RAC1: variants seen among roughly 807,000 people sequenced by gnomAD.
RAC1 encodes Rac family small GTPase 1.
A neutral mutation model predicts 25.2 loss-of-function variants in RAC1; 2 were observed. The observed-to-expected ratio is 0.08, with a 90% CI of 0.03 to 0.25. The LOEUF is 0.25. Ranked by LOEUF, RAC1 falls within the 10% of genes least tolerant of loss-of-function variation. RAC1 has a pLI of 1.00. For synonymous variants in RAC1, 88 were observed against 94.0 expected (o/e 0.94, Z 0.37); for missense variants, 50 against 235.7 (o/e 0.21, Z 5.16).
At position 6,374,936 on chromosome 7, in the gene RAC1, A is replaced by C. The variant is rs532651491; in HGVS notation, c.35+166A>C. ...GGCCGCGGGCGGGCGCCCCCACCGG[A>C]CCCTGACGGCCCGGGCGGCGCGTGC... On this transcript the variant is annotated intron_variant, in intron 1 of 5. Transcript: ENST00000348035. Among the ~76,000 whole-genome samples, 289 of 150,948 alleles carry C rather than the reference A, an allele frequency of 1.9e-3. 1 individual carries two copies. Among genetic ancestry groups the C allele is most frequent in the Non-Finnish European group, 3.6e-3 (241 of 67,536 alleles).
At chr7:6,388,139 A>C (rs1182975183) in intron 2 of RAC1, among the ~76,000 whole-genome samples, 1 of 151,968 alleles carries the variant, frequency 6.6e-6, no homozygotes, top group Non-Finnish European at 1.5e-5. Flanking sequence ...GGAGACAGGA[A>C]AGTGCTGCTC....
chr7:6,376,501 C>CT (rs1782601672), intron 1 of RAC1, among the ~76,000 whole-genome samples: 27 of 91,198 alleles, frequency 3.0e-4, no homozygotes, highest in African/African-American at 1.0e-3. Context: ...TTTTTTTTTT[C>CT]TTTTCTTTTT....
chr7:6,374,568 T>C lies in RAC1; in HGVS notation c.-168T>C, dbSNP rs1782522484. The C allele has an allele frequency of 4.3e-6, 1 of 229,960 alleles. No individual in the cohort carries two copies. The highest frequency in any genetic ancestry group is 6.1e-5 in the Admixed American group (1 of 16,342). 14.2% of individuals were successfully genotyped at this position (229,960 alleles called of 1,614,324 possible). Reference sequence around the variant, plus strand: ...TTCCTCAGCTTTGGGTGGTGGCCGCTGCCGGGCATCGGCTTCCAGTCCGCG... The same window carrying C: ...TTCCTCAGCTTTGGGTGGTGGCCGCCGCCGGGCATCGGCTTCCAGTCCGCG... On this transcript the variant is annotated 5_prime_UTR_variant, in exon 1 of 6. Coordinates refer to ENST00000348035, the MANE Select transcript of RAC1 (RefSeq NM_006908.5).
chr7:6,401,837 G>C (rs1248814748), intron 4 of RAC1, 31 bp from the exon 5 acceptor site: 1 of 1,597,492 alleles, frequency 6.3e-7, no homozygotes, highest in Non-Finnish European at 8.5e-7. Context: ...AAAGGAGCGT[G>C]TCACAACCTC....
chr7:6,378,251 A>T (rs961177979), intron 1 of RAC1, among the ~76,000 whole-genome samples: 7 of 151,690 alleles, frequency 4.6e-5, no homozygotes, highest in Admixed American at 2.0e-4. Flanking sequence ...ATACACCCGT[A>T]TGAAAATATG....
intron 3 of RAC1, among the ~76,000 whole-genome samples, chr7:6,394,702 CAG>C (rs1783181141): frequency 6.6e-6 from 1 of 151,808 alleles, no homozygotes; most frequent in Admixed American, 6.6e-5. Context: ...TTGTTTGAGA[CAG>C]AGTTTCGCTC....
intron 3 of RAC1, among the ~76,000 whole-genome samples, chr7:6,394,992 C>T (rs1207472722): frequency 1.3e-5 from 2 of 152,122 alleles, no homozygotes; most frequent in Non-Finnish European, 2.9e-5. Context: ...GTAGCTGGGA[C>T]TACAGGCGCC....
intron 2 of RAC1, among the ~76,000 whole-genome samples, chr7:6,388,971 C>G (rs191380968): frequency 6.7e-6 from 1 of 149,666 alleles, no homozygotes; most frequent in Admixed American, 6.6e-5. Flanking sequence ...GAGGCCAAGA[C>G]GGAAGGATCA....
chr7:6,398,061 A>G (rs1395935907), intron 3 of RAC1, among the ~76,000 whole-genome samples: 1 of 152,206 alleles, frequency 6.6e-6, no homozygotes, highest in Non-Finnish European at 1.5e-5. Flanking sequence ...TCTTAGTGTC[A>G]GCAACAGTGC....
chr7:6,386,905 T>C (rs1782938834), intron 1 of RAC1, among the ~76,000 whole-genome samples: 1 of 152,184 alleles, frequency 6.6e-6, no homozygotes, highest in Admixed American at 6.5e-5. Flanking sequence ...TTTTAAAATC[T>C]TGTTTCTCTT....
chr7:6,402,536 A>AAAAAAAAAAAAAC lies in RAC1; in HGVS notation c.*91_*92insAAAAAAAAAAACA. The AAAAAAAAAAAAAC allele has an allele frequency of 2.1e-6, 2 of 947,914 alleles. No homozygotes were observed. The highest frequency in any genetic ancestry group is 5.1e-5 in the East Asian group (1 of 19,626). 58.7% of individuals were successfully genotyped at this position (947,914 alleles called of 1,614,324 possible). ...ACAAAAAAAAAAAACAAAAAAAAAA[A>AAAAAAAAAAAAAC]ACAACGGTGGAGCCTTCGCACTCAA... is the stretch of plus-strand genomic sequence containing the variant. On this transcript the variant is annotated 3_prime_UTR_variant, in exon 6 of 6. Coordinates refer to ENST00000348035, the MANE Select transcript of RAC1 (RefSeq NM_006908.5).
chr7:6,386,833 C>A (rs1052098423), intron 1 of RAC1, among the ~76,000 whole-genome samples: 9 of 151,034 alleles, frequency 6.0e-5, no homozygotes, highest in African/African-American at 2.2e-4. Context: ...AAAATATCTT[C>A]AGGATCAAAC....
intron 1 of RAC1, among the ~76,000 whole-genome samples, chr7:6,377,892 G>C (rs149584726): frequency 6.6e-4 from 100 of 152,200 alleles, no homozygotes; most frequent in African/African-American, 2.2e-3. Flanking sequence ...GTGACAGAGG[G>C]AAACTGTCTT....
chr7:6,388,633 G>T (rs966065408), intron 2 of RAC1, among the ~76,000 whole-genome samples: 1 of 151,718 alleles, frequency 6.6e-6, no homozygotes, highest in Non-Finnish European at 1.5e-5. Flanking sequence ...CGTGAGCCAC[G>T]GCACCCATTT....
intron 1 of RAC1, among the ~76,000 whole-genome samples, chr7:6,377,200 G>GTT (rs386359613): frequency 3.0e-4 from 42 of 141,980 alleles, no homozygotes; most frequent in South Asian, 2.8e-3. Flanking sequence ...TTTTCAGTCT[G>GTT]TTTTTTTTTT....
chr7:6,402,298 T>G lies in RAC1; in HGVS notation c.449-18T>G, dbSNP rs754281434. 1.2e-5 allele frequency: 19 copies of G among 1,594,390 alleles called. No individual in the cohort carries two copies. The Admixed American group carries it at 2.7e-4, about 22-fold the overall frequency. On this transcript the variant is annotated intron_variant, in intron 5 of 5. Transcript: ENST00000348035. Reference sequence around the variant, plus strand: ...GTGGGGTCGAGTGTACATTGCCGTGTGGTCGTGTTTCCTGTAGGTGCTGTA... The same window carrying G: ...GTGGGGTCGAGTGTACATTGCCGTGGGGTCGTGTTTCCTGTAGGTGCTGTA...
chr7:6,399,915 C>T, intron 3 of RAC1: 1 of 581,396 alleles, frequency 1.7e-6, no homozygotes, highest in Non-Finnish European at 3.1e-6. Flanking sequence ...TCATGCTCCC[C>T]ATTTTCATAA....
At chr7:6,378,000 C>T (rs1439140076) in intron 1 of RAC1, among the ~76,000 whole-genome samples, 1 of 152,140 alleles carries the variant, frequency 6.6e-6, no homozygotes, top group Non-Finnish European at 1.5e-5. Context: ...CTGTACGTCC[C>T]TCCATCCTGC....
At chr7:6,396,084 G>A (rs1469294594) in intron 3 of RAC1, among the ~76,000 whole-genome samples, 1 of 152,176 alleles carries the variant, frequency 6.6e-6, no homozygotes, top group Non-Finnish European at 1.5e-5. Flanking sequence ...CACCACGTGT[G>A]TAACAGGCAC....
Sources: gnomAD v4.1 joint callset for allele counts (sites outside exome capture counted in the v4.1 genomes callset) on GRCh38, gnomAD v4.1.1 for gene constraint, MANE v1.5 for transcripts, NCBI Gene and HGNC (gene_info 2026-07-23, HGNC 2026-07-21) for gene names.